Variants in HMGA2 observed in about 807,000 individuals in gnomAD.
The protein encoded by HMGA2 is high mobility group AT-hook 2.
In HMGA2, 8 loss-of-function variants were observed where a neutral mutation model predicts 19.1. The ratio of observed to expected loss-of-function variants is 0.42; its 90% CI spans 0.25 to 0.76. The LOEUF (loss-of-function observed/expected upper bound fraction) is 0.76. Ranked by LOEUF, HMGA2 falls within the 30% of genes least tolerant of loss-of-function variation. The pLI is 0.28. For missense variants in HMGA2, 109 were observed against 136.3 expected (o/e 0.80, Z 1.00); for synonymous variants, 60 against 48.8 (o/e 1.23, Z -0.96).
Position 65,965,094 on chromosome 12 carries a change from A to G in HMGA2, c.*1802A>G. The G allele has an allele frequency of 5.2e-6, 1 of 192,708 alleles. No homozygotes were observed. The highest frequency in any genetic ancestry group is 8.3e-5 in the East Asian group (1 of 12,108). 11.9% of individuals were successfully genotyped at this position (192,708 alleles called of 1,614,324 possible). ...TAAAAGACATTTGATAGAAAGGAAC[A>G]CGTTTTTACATACTTTTGCAAAATA... On this transcript the variant is annotated 3_prime_UTR_variant, in exon 5 of 5. Coordinates refer to ENST00000403681, the MANE Select transcript of HMGA2 (RefSeq NM_003483.6).
At chr12:65,925,300 G>T (rs963823108) in intron 3 of HMGA2, among the ~76,000 whole-genome samples, 2 of 152,128 alleles carry the variant, frequency 1.3e-5, no homozygotes, top group Non-Finnish European at 2.9e-5. Context: ...GAAAAAAATT[G>T]ACTTTTGGAC....
intron 4 of HMGA2, chr12:65,956,126 CAG>C (rs1258042195): frequency 6.6e-6 from 1 of 152,178 alleles, no homozygotes; most frequent in Non-Finnish European, 1.5e-5. Context: ...CATAATAAAT[CAG>C]ACTTACAAAT....
chr12:65,941,124 G>A (rs1876078532), intron 3 of HMGA2, among the ~76,000 whole-genome samples: 1 of 152,204 alleles, frequency 6.6e-6, no homozygotes, highest in South Asian at 2.1e-4. Flanking sequence ...CCATTTTAGG[G>A]AAGTTGAGCT....
chr12:65,847,443 A>G (rs192933367), intron 3 of HMGA2, among the ~76,000 whole-genome samples: 88 of 152,300 alleles, frequency 5.8e-4, no homozygotes, highest in Non-Finnish European at 9.7e-4. Context: ...ATAGCAACTT[A>G]ATTATATACT....
chr12:65,903,053 AGTTT>A (rs970657699), intron 3 of HMGA2, among the ~76,000 whole-genome samples: 181 of 152,216 alleles, frequency 1.2e-3, no homozygotes, highest in South Asian at 8.3e-4. Context: ...ATGTTGCCCT[AGTTT>A]GTTTGTTTGT....
intron 3 of HMGA2, among the ~76,000 whole-genome samples, chr12:65,891,426 A>G (rs1390450907): frequency 6.6e-6 from 1 of 151,950 alleles, no homozygotes; most frequent in Admixed American, 6.6e-5. Flanking sequence ...TCCTCCACAC[A>G]CTCTCCCAGT....
At chr12:65,831,915 G>T (rs907960501) in intron 2 of HMGA2, among the ~76,000 whole-genome samples, 1 of 151,908 alleles carries the variant, frequency 6.6e-6, no homozygotes, top group African/African-American at 2.4e-5. Flanking sequence ...TTAAGGAAAG[G>T]TAACTTTGGA....
intron 3 of HMGA2, among the ~76,000 whole-genome samples, chr12:65,942,952 C>T (rs1293431291): frequency 6.6e-6 from 1 of 152,008 alleles, no homozygotes; most frequent in Non-Finnish European, 1.5e-5. Flanking sequence ...TTTCAGTGAC[C>T]TTATCTCTAC....
intron 3 of HMGA2, among the ~76,000 whole-genome samples, chr12:65,938,198 T>A (rs887021020): frequency 6.6e-6 from 1 of 152,192 alleles, no homozygotes; most frequent in Admixed American, 6.5e-5. Context: ...TGAGAATAAA[T>A]GTCAACTGGA....
At chr12:65,907,865 T>C (rs1874670779) in intron 3 of HMGA2, among the ~76,000 whole-genome samples, 1 of 152,170 alleles carries the variant, frequency 6.6e-6, no homozygotes, top group Non-Finnish European at 1.5e-5. Context: ...GTCCTTCTAC[T>C]GCTTCTGGGT....
Position 65,963,409 on chromosome 12 carries a change from G to C in HMGA2, c.*117G>C. ...GTCTTTCCACTTTCATCTGGGGTGG[G>C]GTGGGGTGGGGTGGGGGAGGGGGGG... On this transcript the variant is annotated 3_prime_UTR_variant, in exon 5 of 5. Coordinates refer to ENST00000403681, the MANE Select transcript of HMGA2 (RefSeq NM_003483.6). The C allele has an allele frequency of 2.7e-6, 1 of 367,472 alleles. No individual in the cohort carries two copies. Among genetic ancestry groups the C allele is most frequent in the Non-Finnish European group, 5.1e-6 (1 of 196,156 alleles). 22.8% of individuals were successfully genotyped at this position (367,472 alleles called of 1,614,324 possible). A position where few individuals can be genotyped will look rare whatever the true frequency, so the allele number is the denominator to read the frequency against.
At chr12:65,962,943 G>A (rs1876793687) in intron 4 of HMGA2, among the ~76,000 whole-genome samples, 1 of 152,014 alleles carries the variant, frequency 6.6e-6, no homozygotes, top group South Asian at 2.1e-4. Context: ...TTTCTAATTG[G>A]TGAGTAAGCG....
At chr12:65,925,843 G>A (rs1048424492) in intron 3 of HMGA2, among the ~76,000 whole-genome samples, 1 of 152,112 alleles carries the variant, frequency 6.6e-6, no homozygotes, top group East Asian at 1.9e-4. Context: ...TTCTTACATA[G>A]CAGAAGGAAG....
intron 3 of HMGA2, among the ~76,000 whole-genome samples, chr12:65,895,689 A>G (rs1390345099): frequency 6.6e-6 from 1 of 152,220 alleles, no homozygotes; most frequent in African/African-American, 2.4e-5. Context: ...AGCAAAGCTT[A>G]CTGATGTCTA....
intron 3 of HMGA2, chr12:65,935,156 G>T (rs974418466): frequency 6.6e-6 from 1 of 152,188 alleles, no homozygotes; most frequent in African/African-American, 2.4e-5. Context: ...AAGAAAATTA[G>T]ATTGTTCCAA....
At chr12:65,911,168 G>T (rs1186613862) in intron 3 of HMGA2, among the ~76,000 whole-genome samples, 1 of 152,092 alleles carries the variant, frequency 6.6e-6, no homozygotes, top group Non-Finnish European at 1.5e-5. Context: ...CAACTCAATT[G>T]GTATACTTTG....
chr12:65,922,951 C>T (rs1377446657), intron 3 of HMGA2, among the ~76,000 whole-genome samples: 1 of 152,134 alleles, frequency 6.6e-6, no homozygotes, highest in African/African-American at 2.4e-5. Flanking sequence ...TTTCGCCTAC[C>T]ACCATGATTC....
chr12:65,838,998 C>CTTTTTTT, intron 3 of HMGA2, among the ~76,000 whole-genome samples: 2 of 107,216 alleles, frequency 1.9e-5, no homozygotes, highest in East Asian at 2.8e-4. Flanking sequence ...TTTTCTTTTT[C>CTTTTTTT]TTTTTTTTTT....
At chr12:65,839,481 T>G (rs1422814739) in intron 3 of HMGA2, among the ~76,000 whole-genome samples, 2 of 152,172 alleles carry the variant, frequency 1.3e-5, no homozygotes, top group African/African-American at 4.8e-5. Context: ...AAGATTTTTT[T>G]TTTCTGTTAT....
Sources: gnomAD v4.1 joint callset for allele counts (sites outside exome capture counted in the v4.1 genomes callset) on GRCh38, gnomAD v4.1.1 for gene constraint, MANE v1.5 for transcripts, NCBI Gene and HGNC (gene_info 2026-07-23, HGNC 2026-07-21) for gene names.